CASK: variants seen among roughly 807,000 people sequenced by gnomAD.
The protein encoded by CASK is calcium/calmodulin dependent serine protein kinase, also known as peripheral plasma membrane protein CASK.
A neutral mutation model predicts 82.9 loss-of-function variants in CASK; 4 were observed. The ratio of observed to expected loss-of-function variants is 0.05; its 90% CI spans 0.02 to 0.11. The LOEUF (loss-of-function observed/expected upper bound fraction) is 0.11, where lower values mean the gene tolerates loss of function less well. CASK is among the 10% of genes least tolerant of loss of function. CASK has a pLI of 1.00. For synonymous variants in CASK, 259 were observed against 253.5 expected, an observed-to-expected ratio of 1.02 and a Z score of -0.20; for missense variants, 358 against 720.9, an observed-to-expected ratio of 0.50 and a Z score of 5.76.
chrX:41,822,439 T>C (rs1308767098), intron 2 of CASK, among the ~76,000 whole-genome samples: 3 of 107,326 alleles, frequency 2.8e-5, no homozygotes, highest in Middle Eastern at 4.3e-3. Flanking sequence ...GCACCTGTAG[T>C]CCCAGCTACT....
chrX:41,870,930 T>C (rs1449869479), intron 1 of CASK, among the ~76,000 whole-genome samples: 1 of 112,224 alleles, frequency 8.9e-6, no homozygotes. Flanking sequence ...ACACATTTAT[T>C]ATCTAACAGT....
intron 5 of CASK, among the ~76,000 whole-genome samples, chrX:41,694,328 G>A (rs192536182): frequency 5.4e-5 from 6 of 111,947 alleles, no homozygotes; most frequent in African/African-American, 1.9e-4. Flanking sequence ...GCATCTTTAT[G>A]TTAACCCTGC....
At chrX:41,787,550 C>CAAAAAAA (rs778064917) in intron 2 of CASK, among the ~76,000 whole-genome samples, 4 of 39,700 alleles carry the variant, frequency 1.0e-4, no homozygotes, top group Non-Finnish European at 1.5e-4. Context: ...TCCCCAAAAG[C>CAAAAAAA]AAAAAAAAAA....
rs181705424 is a variant in CASK at position 41,527,203 on chromosome X, G to C, written c.2521-3169C>G. On this transcript the variant is annotated intron_variant, in intron 25 of 26. Transcript: ENST00000378163. ...AGAGAGAGACGGGGACAGAGAGAGA[G>C]ACAGAGAGTGAGAGAGAGGGGGAGA... Among the ~76,000 whole-genome samples, 7 of 110,620 alleles carry C rather than the reference G, an allele frequency of 6.3e-5. 1 individual carries two copies. The highest frequency in any genetic ancestry group is 1.3e-4 in the Non-Finnish European group (7 of 52,827).
At chrX:41,693,328 C>T (rs1268435256) in intron 5 of CASK, among the ~76,000 whole-genome samples, 1 of 111,357 alleles carries the variant, frequency 9.0e-6, no homozygotes, top group East Asian at 2.8e-4. Context: ...AATCTTAGAT[C>T]ACAGGTTGGG....
At chrX:41,724,707 T>TACACTGAG (rs1322258291) in intron 5 of CASK, among the ~76,000 whole-genome samples, 1 of 112,092 alleles carries the variant, frequency 8.9e-6, no homozygotes, top group Non-Finnish European at 1.9e-5. Context: ...GATGGTGACC[T>TACACTGAG]AGTTGTTGAC....
At position 41,519,870 on chromosome X, in the gene CASK, T is replaced by A. The variant is rs1314003159; in HGVS notation, c.*550A>T. 1 of 99,597 alleles carries A rather than the reference T, an allele frequency of 1.0e-5. No homozygotes were observed. 8.2% of individuals were successfully genotyped at this position (99,597 alleles called of 1,213,427 possible). On this transcript the variant is annotated 3_prime_UTR_variant, in exon 27 of 27. Coordinates refer to ENST00000378163, the MANE Select transcript of CASK (RefSeq NM_001367721.1). ...GTTACATAAAGGACTTAAAAAAAAATACTATTCTAAAAAAAAAAAAAGAGA... is the reference window on the plus strand; with the variant it reads ...GTTACATAAAGGACTTAAAAAAAAAAACTATTCTAAAAAAAAAAAAAGAGA...
At chrX:41,814,804 A>G (rs994049572) in intron 2 of CASK, among the ~76,000 whole-genome samples, 10 of 112,250 alleles carry the variant, frequency 8.9e-5, no homozygotes, top group Non-Finnish European at 1.5e-4. Context: ...AATCATGCAA[A>G]TTTAATTGGA....
At chrX:41,754,703 T>C (rs1300934437) in intron 3 of CASK, among the ~76,000 whole-genome samples, 3 of 111,166 alleles carry the variant, frequency 2.7e-5, no homozygotes. Context: ...TGAAACTTTA[T>C]GTCACAAATT....
chrX:41,750,171 A>C (rs2068763409), intron 3 of CASK, among the ~76,000 whole-genome samples: 1 of 112,100 alleles, frequency 8.9e-6, no homozygotes, highest in Non-Finnish European at 1.9e-5. Flanking sequence ...AAAGTAAAAG[A>C]AGCAATCTAC....
At chrX:41,883,759 C>A (rs1601938538) in intron 1 of CASK, among the ~76,000 whole-genome samples, 1 of 111,425 alleles carries the variant, frequency 9.0e-6, no homozygotes, top group African/African-American at 3.3e-5. Flanking sequence ...GCTGTGTAGT[C>A]CCCAAGAAAA....
chrX:41,830,538 T>G (rs936661940), intron 2 of CASK, among the ~76,000 whole-genome samples: 2 of 111,522 alleles, frequency 1.8e-5, no homozygotes, highest in African/African-American at 6.5e-5. Flanking sequence ...AAGTGATAGA[T>G]GGCCGGGTGC....
chrX:41,574,464 C>T (rs1171830612), intron 15 of CASK, among the ~76,000 whole-genome samples: 1 of 111,493 alleles, frequency 9.0e-6, no homozygotes. Flanking sequence ...TAAATCTGGT[C>T]CCAGTTACTC....
chrX:41,780,782 G>A (rs2069459307), intron 3 of CASK, among the ~76,000 whole-genome samples: 1 of 110,976 alleles, frequency 9.0e-6, no homozygotes, highest in South Asian at 3.8e-4. Context: ...CCGAGTAGCT[G>A]GGATTACAGG....
At chrX:41,669,580 A>G (rs993587507) in intron 6 of CASK, among the ~76,000 whole-genome samples, 9 of 112,333 alleles carry the variant, frequency 8.0e-5, no homozygotes, top group Non-Finnish European at 7.5e-5. Flanking sequence ...TAACATAGAA[A>G]TGATCTGTAT....
chrX:41,871,895 T>C (rs959858810), intron 1 of CASK, among the ~76,000 whole-genome samples: 1 of 112,148 alleles, frequency 8.9e-6, no homozygotes, highest in Non-Finnish European at 1.9e-5. Flanking sequence ...TCTACTCTCC[T>C]TGAAAACAGA....
intron 5 of CASK, chrX:41,727,949 T>C (rs2068297228): frequency 8.6e-7 from 1 of 1,160,797 alleles, no homozygotes; most frequent in African/African-American, 1.8e-5. Context: ...GACCCCATTA[T>C]ATTTCTTTTA....
intron 3 of CASK, among the ~76,000 whole-genome samples, chrX:41,752,729 G>A (rs1054574878): frequency 8.9e-6 from 1 of 111,939 alleles, no homozygotes; most frequent in Non-Finnish European, 1.9e-5. Context: ...GAGGGGCATA[G>A]GTCCAATCTT....
intron 5 of CASK, chrX:41,728,827 A>G (rs2068315175): frequency 8.1e-6 from 1 of 124,011 alleles, no homozygotes; most frequent in Non-Finnish European, 1.9e-5. Context: ...CATGAATAAT[A>G]CAGTGAAAAA....
Sources: allele counts gnomAD v4.1 joint callset (sites outside exome capture counted in the v4.1 genomes callset), GRCh38; gene constraint gnomAD v4.1.1; transcripts MANE v1.5; gene names NCBI Gene and HGNC (gene_info 2026-07-23, HGNC 2026-07-21).